MAP3K4: variants seen among roughly 807,000 people sequenced by gnomAD.
MAP3K4 encodes the protein MAP three kinase 1.
MAP3K4 carries 67 observed loss-of-function variants against 185.6 expected under a neutral mutation model. The observed-to-expected ratio is 0.36, with a 90% CI of 0.30 to 0.44. The LOEUF (loss-of-function observed/expected upper bound fraction) is 0.44, where lower values mean the gene tolerates loss of function less well. Ranked by LOEUF, MAP3K4 falls within the 20% of genes least tolerant of loss-of-function variation. The probability of loss-of-function intolerance (pLI) is 1.00; values close to 1 mark genes in which losing one functional copy is unlikely to be tolerated. For missense variants in MAP3K4, 1,551 were observed against 1,995.1 expected (o/e 0.78, Z 4.24); for synonymous variants, 702 against 710.4 (o/e 0.99, Z 0.19).
chr6:161,106,780 A>C lies in MAP3K4; in HGVS notation c.4048+75A>C. Reference sequence around the variant, plus strand: ...CAATAGTTATACTTCTTTAGGTTGAATCCTATAGAGTTGGCCCTTTTTTCT... The same window carrying C: ...CAATAGTTATACTTCTTTAGGTTGACTCCTATAGAGTTGGCCCTTTTTTCT... On this transcript the variant is annotated intron_variant, in intron 20 of 26. Transcript: ENST00000392142. The surrounding 1 kb of genome is among the most constrained non-coding windows in gnomAD (Gnocchi z 4.9). 2 of 1,282,232 alleles carry C rather than the reference A, an allele frequency of 1.6e-6. No individual in the cohort carries two copies. The highest frequency in any genetic ancestry group is 2.1e-6 in the Non-Finnish European group (2 of 932,796). 79.4% of individuals were successfully genotyped at this position (1,282,232 alleles called of 1,614,324 possible). A position where few individuals can be genotyped will look rare whatever the true frequency, so the allele number is the denominator to read the frequency against.
Position 161,108,931 on chromosome 6 carries a change from C to A in MAP3K4, c.4236+72C>A. Reference sequence around the variant, plus strand: ...CACAGAATGGAGTCCTGTTCTACATCACAGGTCTTCTCATTTCAGAGCACA... The same window carrying A: ...CACAGAATGGAGTCCTGTTCTACATAACAGGTCTTCTCATTTCAGAGCACA... On this transcript the variant is annotated intron_variant, in intron 22 of 26. Coordinates refer to ENST00000392142, the MANE Select transcript of MAP3K4 (RefSeq NM_005922.4). This position sits in a 1 kb window ranked among gnomAD's most constrained non-coding sequence, Gnocchi z 5.7. The A allele has an allele frequency of 6.3e-7, 1 of 1,590,196 alleles. No individual in the cohort carries two copies. The highest frequency in any genetic ancestry group is 1.1e-5 in the South Asian group (1 of 90,586).
At position 161,017,943 on chromosome 6, in the gene MAP3K4, A is replaced by G. The variant is rs757220673; in HGVS notation, c.153-16316A>G. ...AATATAAATATGCTGGGTTTTAGTG[A>G]TTACAATAAACTCTTCTTACGCTAT... On this transcript the variant is annotated intron_variant, in intron 1 of 26. Coordinates refer to ENST00000392142, the MANE Select transcript of MAP3K4 (RefSeq NM_005922.4). The surrounding 1 kb of genome is among the most constrained non-coding windows in gnomAD (Gnocchi z 5.1). Among the ~76,000 whole-genome samples the G allele has an allele frequency of 9.7e-4, 147 of 152,328 alleles. 1 individual carries two copies. The highest frequency in any genetic ancestry group is 1.7e-3 in the Non-Finnish European group (114 of 68,034).
Position 161,112,530 on chromosome 6 carries a change from GTC to G in MAP3K4, c.4520-136_4520-135del, listed in dbSNP as rs1340475051. 4 of 511,350 alleles carry G rather than the reference GTC, an allele frequency of 7.8e-6. No individual in the cohort carries two copies. The highest frequency in any genetic ancestry group is 1.3e-5 in the Non-Finnish European group (4 of 313,956). 31.7% of individuals were successfully genotyped at this position (511,350 alleles called of 1,614,324 possible). On this transcript the variant is annotated intron_variant, in intron 24 of 26. Coordinates refer to ENST00000392142, the MANE Select transcript of MAP3K4 (RefSeq NM_005922.4). This position sits in a 1 kb window ranked among gnomAD's most constrained non-coding sequence, Gnocchi z 5.1. Reference sequence around the variant, plus strand: ...TTTGTTCAACAAGTTGACTTGAACTGTCTGTAAATTTTTGATATTTCCCATTA... The same window carrying G: ...TTTGTTCAACAAGTTGACTTGAACTGTGTAAATTTTTGATATTTCCCATTA...
intron 3 of MAP3K4, among the ~76,000 whole-genome samples, chr6:161,060,618 CTTTTT>C (rs35196179): frequency 7.9e-6 from 1 of 126,410 alleles, no homozygotes; most frequent in Non-Finnish European, 1.7e-5. Flanking sequence ...TTTTCTTTTT[CTTTTT>C]TTTTTTTTTT....
At chr6:161,024,842 G>A (rs1003558861) in intron 1 of MAP3K4, among the ~76,000 whole-genome samples, 1 of 152,176 alleles carries the variant, frequency 6.6e-6, no homozygotes, top group Non-Finnish European at 1.5e-5. Flanking sequence ...CGCTTAAGGG[G>A]TGGAGAGTTC....
intron 2 of MAP3K4, among the ~76,000 whole-genome samples, chr6:161,038,685 G>T (rs1315995651): frequency 6.6e-6 from 1 of 152,242 alleles, no homozygotes; most frequent in Non-Finnish European, 1.5e-5. Flanking sequence ...GTTCAGGTGT[G>T]TAGGCAGGGT....
chr6:161,112,722 C>T lies in MAP3K4; in HGVS notation c.4574C>T (p.Ala1525Val), dbSNP rs199760724. ...TRAKGEGHGRAADIWSLGCVV... is the reference protein window; with the variant it reads ...TRAKGEGHGRVADIWSLGCVV... ...GCCAAAGGAGAGGGCCATGGGCGTG[C>T]GGCCGACATCTGGAGTCTGGGGTGT... Residue 1525 changes from alanine to valine, a missense_variant, in exon 25 of 27, where the codon GCG (alanine) becomes GTG (valine). Ala to Val is a moderately conservative substitution (Grantham distance 64, BLOSUM62 0). Around this residue, in one of 16 missense-constraint regions of MAP3K4, gnomAD observed 159 missense variants for 300.5 expected, o/e 0.53. Coordinates refer to ENST00000392142, the MANE Select transcript of MAP3K4 (RefSeq NM_005922.4). The surrounding 1 kb of genome is among the most constrained non-coding windows in gnomAD (Gnocchi z 5.1). 5.0e-6 allele frequency: 8 copies of T among 1,607,798 alleles called. No homozygotes were observed. The highest frequency in any genetic ancestry group is 3.4e-5 in the Admixed American group (2 of 58,324).
chr6:161,014,794 C>A (rs183818586), intron 1 of MAP3K4, among the ~76,000 whole-genome samples: 145 of 152,210 alleles, frequency 9.5e-4, no homozygotes, highest in African/African-American at 3.3e-3. Context: ...TTAAAGTGTC[C>A]AAATCAATGG....
intron 1 of MAP3K4, among the ~76,000 whole-genome samples, chr6:161,020,091 T>C (rs1007406759): frequency 7.9e-5 from 12 of 152,204 alleles, no homozygotes; most frequent in African/African-American, 2.9e-4. Context: ...AGCATTGGCT[T>C]TGAATTAGTT....
intron 6 of MAP3K4, 21 bp downstream of exon 6, chr6:161,081,059 G>A (rs1428888071): frequency 3.1e-6 from 5 of 1,611,714 alleles, no homozygotes; most frequent in African/African-American, 1.3e-5. Context: ...TTGTGCTTCT[G>A]AACGCGACGC....
At chr6:161,059,466 C>T (rs1398738034) in intron 3 of MAP3K4, among the ~76,000 whole-genome samples, 2 of 152,124 alleles carry the variant, frequency 1.3e-5, no homozygotes, top group Non-Finnish European at 2.9e-5. Context: ...TCTAGTGACA[C>T]TGAGCCTGTT....
chr6:161,020,180 G>T (rs919967895), intron 1 of MAP3K4, among the ~76,000 whole-genome samples: 1 of 152,186 alleles, frequency 6.6e-6, no homozygotes, highest in African/African-American at 2.4e-5. Flanking sequence ...CTTGCTAAAT[G>T]TGTGATAAAT....
At chr6:161,060,699 A>C (rs1435820264) in intron 3 of MAP3K4, among the ~76,000 whole-genome samples, 1 of 148,096 alleles carries the variant, frequency 6.8e-6, no homozygotes, top group Non-Finnish European at 1.5e-5. Flanking sequence ...GGCTCACTGC[A>C]ACCTGTGTCT....
rs1277967412 is a variant in MAP3K4 at position 161,082,011 on chromosome 6, C to T, written c.2255+973C>T. Among the ~76,000 whole-genome samples the T allele has an allele frequency of 6.6e-6, 1 of 152,032 alleles. No individual in the cohort carries two copies. Among genetic ancestry groups the T allele is most frequent in the Non-Finnish European group, 1.5e-5 (1 of 67,996 alleles). ...GACTTCTGCAGGACTCTAGCTTTAG[C>T]TTTGTTCTTGACTCTGCCGATTTCT... On this transcript the variant is annotated intron_variant, in intron 6 of 26. Transcript: ENST00000392142. This position sits in a 1 kb window ranked among gnomAD's most constrained non-coding sequence, Gnocchi z 4.2.
chr6:161,072,840 C>T (rs564426253), intron 4 of MAP3K4, among the ~76,000 whole-genome samples: 21 of 152,214 alleles, frequency 1.4e-4, no homozygotes, highest in South Asian at 8.3e-4. Flanking sequence ...CTTCTGCCCA[C>T]GTTTGGCAGG....
chr6:161,058,783 G>A (rs1024669722), intron 3 of MAP3K4, among the ~76,000 whole-genome samples: 15 of 150,632 alleles, frequency 1.0e-4, no homozygotes, highest in Admixed American at 4.0e-4. Context: ...TATAGCTCTC[G>A]TTGTTAAATT....
chr6:161,096,774 T>C lies in MAP3K4; in HGVS notation c.3428-306T>C. 4.1e-6 allele frequency: 1 copy of C among 244,500 alleles called. No homozygotes were observed. The highest frequency in any genetic ancestry group is 8.2e-5 in the South Asian group (1 of 12,218). 15.1% of individuals were successfully genotyped at this position (244,500 alleles called of 1,614,324 possible). A position where few individuals can be genotyped will look rare whatever the true frequency, so the allele number is the denominator to read the frequency against. On this transcript the variant is annotated intron_variant, in intron 15 of 26. Transcript: ENST00000392142. The surrounding 1 kb of genome is among the most constrained non-coding windows in gnomAD (Gnocchi z 4.9). ...TTTTTATTAGGGAGATACCACATTT[T>C]CATGTATCTCTAAAATGGGTTAAAT... is the stretch of plus-strand genomic sequence containing the variant.
intron 23 of MAP3K4, among the ~76,000 whole-genome samples, chr6:161,111,590 C>T (rs1778353223): frequency 6.6e-6 from 1 of 152,182 alleles, no homozygotes; most frequent in Non-Finnish European, 1.5e-5. Flanking sequence ...AGAATGTATG[C>T]ATGTATTTCA....
intron 3 of MAP3K4, among the ~76,000 whole-genome samples, chr6:161,066,653 C>T (rs1279678362): frequency 6.6e-6 from 1 of 152,116 alleles, no homozygotes; most frequent in African/African-American, 2.4e-5. Flanking sequence ...TCCCTTTAGT[C>T]TCCTCTTAAG....
Sources: allele counts gnomAD v4.1 joint callset (sites outside exome capture counted in the v4.1 genomes callset), GRCh38; gene constraint gnomAD v4.1.1; regional missense constraint gnomAD v4.1.1; non-coding constraint Gnocchi (gnomAD v3.1); transcripts MANE v1.5; gene names NCBI Gene and HGNC (gene_info 2026-07-23, HGNC 2026-07-21).